The following RFX6 variants were observed in gnomAD, a reference collection of about 807,000 sequenced individuals.
The protein encoded by RFX6 is regulatory factor X6, also known as DNA-binding protein RFX6.
Under a neutral mutation model 110.8 loss-of-function variants are expected in RFX6, and 50 were observed. That is an observed-to-expected ratio of 0.45 (90% CI 0.36 to 0.57). The LOEUF (loss-of-function observed/expected upper bound fraction) is 0.57. RFX6 is among the 20% of genes least tolerant of loss of function. RFX6 has a pLI of 0.00. For missense variants in RFX6, 990 were observed against 1,127.0 expected (o/e 0.88, Z 1.74); for synonymous variants, 383 against 411.2 (o/e 0.93, Z 0.83).
At chr6:116,921,937 C>G in intron 12 of RFX6, 105 bp from the exon 13 acceptor site, 1 of 673,366 alleles carries the variant, frequency 1.5e-6, no homozygotes. Flanking sequence ...CCCTTTCATG[C>G]TATCAAAGTA....
intron 1 of RFX6, 115 bp from the exon 2 acceptor site, chr6:116,877,681 C>T: frequency 8.9e-7 from 1 of 1,128,970 alleles, no homozygotes; most frequent in Admixed American, 2.2e-5. Flanking sequence ...CCCCCCTTTC[C>T]TCCCCTCCGC....
At chr6:116,924,890 C>CA in intron 15 of RFX6, 99 bp downstream of exon 15, 1 of 847,112 alleles carries the variant, frequency 1.2e-6, no homozygotes, top group South Asian at 1.4e-5. Context: ...ATCATAATCT[C>CA]AGAGTTTTTC....
chr6:116,926,147 T>C (rs1163829574), intron 16 of RFX6, among the ~76,000 whole-genome samples: 1 of 152,030 alleles, frequency 6.6e-6, no homozygotes, highest in African/African-American at 2.4e-5. Context: ...CAAAACCCCG[T>C]CTCTACTAAA....
intron 6 of RFX6, among the ~76,000 whole-genome samples, chr6:116,900,967 T>C (rs970716146): frequency 1.3e-5 from 2 of 152,196 alleles, no homozygotes; most frequent in African/African-American, 2.4e-5. Flanking sequence ...GACTTTGTGA[T>C]GGTGTGAAAG....
intron 4 of RFX6, among the ~76,000 whole-genome samples, chr6:116,885,280 T>G (rs1163319778): frequency 6.6e-6 from 1 of 152,188 alleles, no homozygotes; most frequent in African/African-American, 2.4e-5. Context: ...TCTTATAGGA[T>G]TGTTGTGAGA....
intron 7 of RFX6, 83 bp from the exon 8 acceptor site, chr6:116,915,925 T>A (rs1454866568): frequency 1.0e-6 from 1 of 1,002,836 alleles, no homozygotes; most frequent in African/African-American, 1.6e-5. Flanking sequence ...TAGGATCTTT[T>A]AAAAAATCTG....
At chr6:116,909,027 G>A (rs1775274560) in intron 6 of RFX6, among the ~76,000 whole-genome samples, 1 of 151,960 alleles carries the variant, frequency 6.6e-6, no homozygotes, top group Non-Finnish European at 1.5e-5. Context: ...AAAAAATCTA[G>A]TAAGCTTAAA....
intron 9 of RFX6, among the ~76,000 whole-genome samples, chr6:116,917,775 A>G (rs1775499911): frequency 6.6e-6 from 1 of 152,106 alleles, no homozygotes; most frequent in African/African-American, 2.4e-5. Flanking sequence ...ATAAAACGGT[A>G]TATGATTACC....
intron 6 of RFX6, among the ~76,000 whole-genome samples, chr6:116,902,660 T>C (rs1045266500): frequency 6.6e-6 from 1 of 152,036 alleles, no homozygotes; most frequent in African/African-American, 2.4e-5. Context: ...GTTGACATTA[T>C]TTCTTAGGGA....
At chr6:116,895,454 G>A (rs146319452) in intron 6 of RFX6, among the ~76,000 whole-genome samples, 187 of 152,062 alleles carry the variant, frequency 1.2e-3, no homozygotes, top group African/African-American at 3.5e-3. Flanking sequence ...CCTAATATCA[G>A]ATACTTACAA....
At chr6:116,878,929 C>A (rs897203050) in intron 2 of RFX6, among the ~76,000 whole-genome samples, 2 of 151,694 alleles carry the variant, frequency 1.3e-5, no homozygotes, top group Non-Finnish European at 2.9e-5. Flanking sequence ...GCCAAATATT[C>A]ATCTAAAGTT....
chr6:116,924,626 A>G (rs199592580), intron 14 of RFX6, 43 bp from the exon 15 acceptor site: 9 of 1,580,796 alleles, frequency 5.7e-6, no homozygotes, highest in Non-Finnish European at 7.0e-6. Flanking sequence ...TCCCCTTTTT[A>G]CATTTCACAC....
chr6:116,924,224 G>T (rs1161834694), intron 14 of RFX6, among the ~76,000 whole-genome samples: 2 of 152,164 alleles, frequency 1.3e-5, no homozygotes, highest in Non-Finnish European at 2.9e-5. Flanking sequence ...AGGCTAGAAA[G>T]ATATCTCTTT....
chr6:116,918,030 G>T lies in RFX6; in HGVS notation c.973-7G>T. The T allele has an allele frequency of 1.3e-6, 2 of 1,595,692 alleles. No individual in the cohort carries two copies. Among genetic ancestry groups the T allele is most frequent in the South Asian group, 1.1e-5 (1 of 90,646 alleles). On this transcript the variant is annotated splice_region_variant and splice_polypyrimidine_tract_variant and intron_variant, in intron 9 of 18. Coordinates refer to ENST00000332958, the MANE Select transcript of RFX6 (RefSeq NM_173560.4). ...GATTTGTATTAACCTCTTTTGCTATGATTAAGGTTCTTACAGATGTACTCA... is the reference window on the plus strand; with the variant it reads ...GATTTGTATTAACCTCTTTTGCTATTATTAAGGTTCTTACAGATGTACTCA...
At chr6:116,920,587 A>G in intron 12 of RFX6, 133 bp downstream of exon 12, 1 of 770,116 alleles carries the variant, frequency 1.3e-6, no homozygotes, top group East Asian at 2.6e-5. Context: ...ACCTTTACCC[A>G]TTAGATGACA....
At chr6:116,906,641 C>T (rs1397740111) in intron 6 of RFX6, among the ~76,000 whole-genome samples, 2 of 151,554 alleles carry the variant, frequency 1.3e-5, no homozygotes, top group Non-Finnish European at 2.9e-5. Flanking sequence ...AAATTGTTTT[C>T]TTAATTTTCT....
chr6:116,895,058 T>G, intron 5 of RFX6, 122 bp from the exon 6 acceptor site: 1 of 570,922 alleles, frequency 1.8e-6, no homozygotes, highest in Non-Finnish European at 3.2e-6. Flanking sequence ...AAAAGCAAAT[T>G]TCTCCAGCTT....
chr6:116,915,897 A>C, intron 7 of RFX6, 111 bp from the exon 8 acceptor site: 1 of 808,606 alleles, frequency 1.2e-6, no homozygotes, highest in South Asian at 1.4e-5. Flanking sequence ...AACATTGAGC[A>C]TACTGCTTGG....
At chr6:116,912,056 C>T (rs954095371) in intron 7 of RFX6, among the ~76,000 whole-genome samples, 1 of 152,012 alleles carries the variant, frequency 6.6e-6, no homozygotes, top group African/African-American at 2.4e-5. Flanking sequence ...AGCTGGAGGC[C>T]ATTAACATAA....
Sources: gnomAD v4.1 joint callset for allele counts (sites outside exome capture counted in the v4.1 genomes callset) on GRCh38, gnomAD v4.1.1 for gene constraint, MANE v1.5 for transcripts, NCBI Gene and HGNC (gene_info 2026-07-23, HGNC 2026-07-21) for gene names.